HAUS6: variants seen among roughly 807,000 people sequenced by gnomAD.
HAUS6 encodes the protein HAUS augmin like complex subunit 6, also known as HAUS augmin-like complex subunit 6.
In HAUS6, 80 loss-of-function variants were observed where a neutral mutation model predicts 106.8. The observed-to-expected ratio is 0.75, with a 90% CI of 0.63 to 0.90. The LOEUF is 0.90. Ranked by LOEUF, HAUS6 falls within the 40% of genes least tolerant of loss-of-function variation. HAUS6 has a pLI of 0.00. For synonymous variants in HAUS6, 356 were observed against 379.1 expected (o/e 0.94, Z 0.71); for missense variants, 1,155 against 1,118.1 (o/e 1.03, Z -0.47).
At chr9:19,073,880 A>T (rs562760694) in intron 11 of HAUS6, 8 of 152,292 alleles carry the variant, frequency 5.3e-5, no homozygotes, top group African/African-American at 1.9e-4. Flanking sequence ...AAATTGGAAC[A>T]ATACAGAGAT....
chr9:19,058,489 A>G lies in HAUS6; in HGVS notation c.2278T>C (p.Ser760Pro), dbSNP rs1836531950. 5 of 1,582,248 alleles carry G rather than the reference A, an allele frequency of 3.2e-6. No homozygotes were observed. Among genetic ancestry groups the G allele is most frequent in the African/African-American group, 1.4e-5 (1 of 72,086 alleles). ...AAACTCTTAGAACTAATTCCACTTG[A>G]TATCTGAAAAGAATTCCACAACATA... ...KTMLWNSFQISSGISSKSFKD... is the reference protein window; with the variant it reads ...KTMLWNSFQIPSGISSKSFKD... Residue 760 changes from serine (S) to proline (P), a missense_variant, in exon 16 of 17, where the codon TCA becomes CCA. Ser to Pro is a moderately conservative substitution (Grantham distance 74). Coordinates refer to ENST00000380502, the MANE Select transcript of HAUS6 (RefSeq NM_017645.5).
At chr9:19,070,401 C>T (rs1278085561) in intron 11 of HAUS6, 101 bp from the exon 12 acceptor site, 1 of 673,622 alleles carries the variant, frequency 1.5e-6, no homozygotes, top group Non-Finnish European at 2.6e-6. Flanking sequence ...CAGAAGAAAA[C>T]AGAAAAACCA....
At chr9:19,069,345 G>C (rs1485619281) in intron 12 of HAUS6, among the ~76,000 whole-genome samples, 1 of 152,116 alleles carries the variant, frequency 6.6e-6, no homozygotes, top group Non-Finnish European at 1.5e-5. Flanking sequence ...ATAAATGTTG[G>C]ATCTTTTCTG....
chr9:19,060,147 G>T lies in HAUS6; in HGVS notation c.1706C>A (p.Ser569Tyr). The change falls in exon 15 of 17, where the codon TCT (serine) becomes TAT (tyrosine). Residue 569 changes from serine to tyrosine, a missense_variant. Physicochemically the swap from Ser to Tyr is moderately radical, Grantham distance 144. Transcript: ENST00000380502. The stretch of plus-strand genomic sequence containing the variant: ...TGTTAAGAAGGGGTTAGAACCCAGA[G>T]AGTCAATTAGTTCCTCTAATTTTAT... Reference protein sequence around the residue: ...KEIKLEELIDSLGSNPFLTRN... With the variant: ...KEIKLEELIDYLGSNPFLTRN... 1 of 1,600,986 alleles carries T rather than the reference G, an allele frequency of 6.2e-7. No homozygotes were observed. Among genetic ancestry groups the T allele is most frequent in the Non-Finnish European group, 8.5e-7 (1 of 1,170,818 alleles).
At chr9:19,080,907 T>C (rs1386734133) in intron 8 of HAUS6, among the ~76,000 whole-genome samples, 2 of 152,080 alleles carry the variant, frequency 1.3e-5, no homozygotes, top group Admixed American at 1.3e-4. Context: ...ACCCTGTCTC[T>C]ACTAAAAATA....
chr9:19,094,217 G>C (rs11787990), intron 3 of HAUS6, 100 bp downstream of exon 3: 1 of 666,324 alleles, frequency 1.5e-6, no homozygotes, highest in Non-Finnish European at 2.7e-6. Flanking sequence ...TATACTGATA[G>C]CATTAAAGCA....
At chr9:19,102,444 C>G in intron 1 of HAUS6, 80 bp downstream of exon 1, 1 of 1,460,216 alleles carries the variant, frequency 6.8e-7, no homozygotes, top group South Asian at 1.2e-5. Flanking sequence ...ATTAATCAAC[C>G]TCCGGGGTCT....
intron 14 of HAUS6, among the ~76,000 whole-genome samples, chr9:19,060,932 C>T (rs1270342437): frequency 6.6e-6 from 1 of 152,154 alleles, no homozygotes; most frequent in African/African-American, 2.4e-5. Flanking sequence ...GAGGCCGAGA[C>T]GGTCGGATCA....
intron 5 of HAUS6, among the ~76,000 whole-genome samples, chr9:19,088,411 G>A (rs1313752540): frequency 4.5e-5 from 6 of 134,072 alleles, no homozygotes; most frequent in African/African-American, 1.4e-4. Flanking sequence ...GTGAGACTCC[G>A]TCTCAAAAAA....
At chr9:19,092,163 A>C (rs938049295) in intron 4 of HAUS6, among the ~76,000 whole-genome samples, 2 of 152,116 alleles carry the variant, frequency 1.3e-5, no homozygotes, top group Non-Finnish European at 2.9e-5. Flanking sequence ...TAGTGATAAA[A>C]GTATCAGTTG....
chr9:19,057,604 C>T (rs1391425961), intron 16 of HAUS6: 2 of 255,320 alleles, frequency 7.8e-6, no homozygotes, highest in African/African-American at 2.2e-5. Context: ...CCAGATATTA[C>T]ACCATTATAG....
chr9:19,068,653 C>T (rs1478530251), intron 12 of HAUS6, among the ~76,000 whole-genome samples: 1 of 151,646 alleles, frequency 6.6e-6, no homozygotes, highest in African/African-American at 2.4e-5. Context: ...TTATTTTCAT[C>T]TGTCCCTCAT....
Position 19,080,639 on chromosome 9 carries a change from G to A in HAUS6, c.904C>T (p.Leu302=). The A allele has an allele frequency of 6.2e-7, 1 of 1,608,950 alleles. No homozygotes were observed. Among genetic ancestry groups the A allele is most frequent in the Non-Finnish European group, 8.5e-7 (1 of 1,176,072 alleles). The change falls in exon 9 of 17, where the codon CTG becomes TTG. Residue 302 remains leucine (L), a synonymous_variant. Transcript: ENST00000380502. ...HIGNVYEAGK[L]NLLTVIQLLN... is the part of the protein sequence containing the mutation. ...AACTGAATAACTGTTAAGAGGTTCA[G>A]TTTTCCAGCCTCATAAACATTTCCT... is the stretch of plus-strand genomic sequence containing the variant.
chr9:19,063,454 A>C, intron 13 of HAUS6, 60 bp downstream of exon 13: 1 of 846,610 alleles, frequency 1.2e-6, no homozygotes, highest in Non-Finnish European at 1.8e-6. Flanking sequence ...CAACAAAAAT[A>C]AATAATATTT....
chr9:19,056,362 G>A lies in HAUS6; in HGVS notation c.2849C>T (p.Pro950Leu), dbSNP rs764525945. The change falls in exon 17 of 17, where the codon CCG becomes CTG. Residue 950 changes from proline (P) to leucine (L), a missense_variant. Physicochemically the swap from Pro to Leu is moderately conservative, Grantham distance 98. Around this residue, in one of 3 missense-constraint regions of HAUS6, gnomAD observed 380 missense variants for 394.8 expected, o/e 0.96. Transcript: ENST00000380502. The stretch of plus-strand genomic sequence containing the variant: ...ACGTCTTCATCTTGTCAAGTCAGAC[G>A]GTGGTTCTTTTGCATCAAGGCTCTT... ...LNKSLDAKEP[P>L]SDLTR The A allele has an allele frequency of 4.5e-6, 7 of 1,542,506 alleles. No homozygotes were observed. The highest frequency in any genetic ancestry group is 4.5e-5 in the East Asian group (2 of 44,486).
intron 1 of HAUS6, among the ~76,000 whole-genome samples, chr9:19,098,201 G>A (rs1817903400): frequency 6.6e-6 from 1 of 152,170 alleles, no homozygotes; most frequent in African/African-American, 2.4e-5. Flanking sequence ...AGCATTTTGG[G>A]AGGCCAAGGC....
At chr9:19,066,830 CAAAAAA>C (rs71333078) in intron 12 of HAUS6, among the ~76,000 whole-genome samples, 10,946 of 82,048 alleles carry the variant, frequency 0.13, 433 homozygotes, top group East Asian at 0.2. Flanking sequence ...CTCATCTCTA[CAAAAAA>C]AAAAAAAAAA....
At chr9:19,062,642 C>T (rs1836651876) in intron 14 of HAUS6, among the ~76,000 whole-genome samples, 1 of 152,138 alleles carries the variant, frequency 6.6e-6, no homozygotes, top group African/African-American at 2.4e-5. Flanking sequence ...AGGATCCCAA[C>T]ACCATTGAGA....
In HAUS6 at chr9:19,093,194, T is replaced by C. The variant is rs1414438974; in HGVS notation, c.413A>G (p.Lys138Arg). The C allele has an allele frequency of 6.3e-7, 1 of 1,592,742 alleles. No homozygotes were observed. The highest frequency in any genetic ancestry group is 1.4e-5 in the African/African-American group (1 of 74,000). Residue 138 changes from lysine to arginine, a missense_variant, in exon 4 of 17, where the codon AAA (lysine) becomes AGA (arginine). Physicochemically the swap from Lys to Arg is conservative, Grantham distance 26. Transcript: ENST00000380502. ...ACTTTTAGAATTGGATTTAATATAT[T>C]TCATTGCAACAAATCTTGCAAAATG... The part of the protein sequence containing the change: ...MYHFARFVAM[K>R]YIKSNSKNSS...
Sources: allele counts gnomAD v4.1 joint callset (sites outside exome capture counted in the v4.1 genomes callset), GRCh38; gene constraint gnomAD v4.1.1; regional missense constraint gnomAD v4.1.1; transcripts MANE v1.5; gene names NCBI Gene and HGNC (gene_info 2026-07-23, HGNC 2026-07-21).